Variants in HSPA4 observed in about 807,000 individuals in gnomAD.
HSPA4 encodes the protein heat shock 70 kDa protein 4.
HSPA4 carries 25 observed loss-of-function variants against 106.2 expected under a neutral mutation model. The observed-to-expected ratio is 0.24, with a 90% CI of 0.17 to 0.33. The LOEUF (loss-of-function observed/expected upper bound fraction) is 0.33, where lower values mean the gene tolerates loss of function less well. Ranked by LOEUF, HSPA4 falls within the 10% of genes least tolerant of loss-of-function variation. The probability of loss-of-function intolerance (pLI) is 1.00; values close to 1 mark genes in which losing one functional copy is unlikely to be tolerated. For synonymous variants in HSPA4, 332 were observed against 333.6 expected, an observed-to-expected ratio of 1.00 and a Z score of 0.05; for missense variants, 841 against 996.0, an observed-to-expected ratio of 0.84 and a Z score of 2.10.
At position 133,091,121 on chromosome 5, in the gene HSPA4, A is replaced by G. The variant is rs778829444; in HGVS notation, c.1379-72A>G. ...CATTGAAAGTAGACATAATCTAGCA[A>G]TGTAGGCATATATTCATGCTTGAAT... On this transcript the variant is annotated intron_variant, in intron 11 of 18. Transcript: ENST00000304858. 9.1e-6 allele frequency: 11 copies of G among 1,211,910 alleles called. No individual in the cohort carries two copies. The East Asian group carries it at 9.3e-5, about 10-fold the overall frequency. The allele number at this position is 1,211,910 out of a possible 1,614,324, so 75.1% of individuals were successfully genotyped here.
rs372336507 is a variant in HSPA4, at chr5:133,079,851, T to G, written c.908+2953T>G. Among the ~76,000 whole-genome samples, 5 of 152,224 alleles carry G rather than the reference T, an allele frequency of 3.3e-5. 1 individual carries two copies. The East Asian group carries it at 7.7e-4, about 23-fold the overall frequency. On this transcript the variant is annotated intron_variant, in intron 7 of 18. Transcript: ENST00000304858. ...CGTTTTGATGGTTGGAAGTGCATTCTCCTGCAGATTCCTAAGGGATAGCAC... is the reference window on the plus strand; with the variant it reads ...CGTTTTGATGGTTGGAAGTGCATTCGCCTGCAGATTCCTAAGGGATAGCAC...
At chr5:133,065,360 A>C (rs912052065) in intron 2 of HSPA4, among the ~76,000 whole-genome samples, 1 of 152,212 alleles carries the variant, frequency 6.6e-6, no homozygotes, top group Non-Finnish European at 1.5e-5. Context: ...TAAGTAATCT[A>C]GAGACAACTT....
intron 16 of HSPA4, 126 bp from the exon 17 acceptor site, chr5:133,101,633 G>T: frequency 1.2e-6 from 1 of 839,494 alleles, no homozygotes; most frequent in Non-Finnish European, 1.9e-6. Flanking sequence ...CAAAGGCCTG[G>T]AGAAATATAT....
chr5:133,075,788 C>T (rs2126703543), intron 6 of HSPA4, among the ~76,000 whole-genome samples: 1 of 151,962 alleles, frequency 6.6e-6, no homozygotes, highest in East Asian at 1.9e-4. Flanking sequence ...TGAGATTGTG[C>T]CACTGCACTC....
rs111944021 is a variant in HSPA4 at position 133,091,203 on chromosome 5, A to G, written c.1389A>G (p.Ser463=). The part of the protein sequence containing the change: ...PYPDPAIAQF[S]VQKVTPQSDG... ...CTCGTATGTCCCTAGCTCAGTTTTCAGTTCAGAAAGTCACTCCTCAGTCTG... is the reference window on the plus strand; with the variant it reads ...CTCGTATGTCCCTAGCTCAGTTTTCGGTTCAGAAAGTCACTCCTCAGTCTG... Residue 463 remains serine, a synonymous_variant, in exon 12 of 19, where the codon TCA becomes TCG. Transcript: ENST00000304858. The G allele has an allele frequency of 5.6e-6, 9 of 1,613,866 alleles. No individual in the cohort carries two copies. Among genetic ancestry groups the G allele is most frequent in the African/African-American group, 2.7e-5 (2 of 75,024 alleles).
chr5:133,097,447 TAGTAC>T (rs1765726631), intron 15 of HSPA4, among the ~76,000 whole-genome samples, 161 bp downstream of exon 15: 2 of 152,238 alleles, frequency 1.3e-5, no homozygotes, highest in African/African-American at 4.8e-5. Flanking sequence ...ATTTCTCTAT[TAGTAC>T]AGTGTTTAGT....
At chr5:133,073,052 C>T (rs73264419) in intron 4 of HSPA4, among the ~76,000 whole-genome samples, 178 bp from the exon 5 acceptor site, 3,460 of 152,168 alleles carry the variant, frequency 0.023, 132 homozygotes, top group African/African-American at 0.075. Context: ...GGTAATGGTA[C>T]GGCTATTTGT....
intron 13 of HSPA4, 75 bp downstream of exon 13, chr5:133,092,864 A>G (rs1210258887): frequency 2.0e-5 from 16 of 810,330 alleles, no homozygotes; most frequent in Non-Finnish European, 2.0e-5. Context: ...TCTGTTGCCC[A>G]GGCTGGAGTG....
intron 15 of HSPA4, among the ~76,000 whole-genome samples, chr5:133,098,266 A>T (rs1765739608): frequency 6.6e-6 from 1 of 152,250 alleles, no homozygotes; most frequent in South Asian, 2.1e-4. Context: ...ACTCAGTAGT[A>T]TTCCATGGTG....
At chr5:133,070,933 T>C (rs1765373414) in intron 4 of HSPA4, among the ~76,000 whole-genome samples, 1 of 152,036 alleles carries the variant, frequency 6.6e-6, no homozygotes, top group South Asian at 2.1e-4. Context: ...AAACTAGTCT[T>C]CATTTTCTTA....
intron 1 of HSPA4, among the ~76,000 whole-genome samples, chr5:133,054,045 C>T (rs1211039448): frequency 6.9e-6 from 1 of 144,862 alleles, no homozygotes; most frequent in African/African-American, 2.5e-5. Context: ...CTAGATTGTT[C>T]AGAAGTCTCA....
Position 133,052,164 on chromosome 5 carries a change from C to T in HSPA4, c.-87C>T, listed in dbSNP as rs1765087891. ...CCTCAGTAGCCTCGGCCCAAGAGGC[C>T]TGCTTTCCACTCGCTAGCCCCGCCG... On this transcript the variant is annotated 5_prime_UTR_variant, in exon 1 of 19. Coordinates refer to ENST00000304858, the MANE Select transcript of HSPA4 (RefSeq NM_002154.4). 13 of 914,078 alleles carry T rather than the reference C, an allele frequency of 1.4e-5. No homozygotes were observed. The highest frequency in any genetic ancestry group is 2.6e-5 in the East Asian group (1 of 37,924). The allele number at this position is 914,078 out of a possible 1,614,324, so 56.6% of individuals were successfully genotyped here. A position where few individuals can be genotyped will look rare whatever the true frequency, so the allele number is the denominator to read the frequency against.
At chr5:133,064,912 G>T (rs1295852526) in intron 1 of HSPA4, 68 bp from the exon 2 acceptor site, 1 of 1,320,380 alleles carries the variant, frequency 7.6e-7, no homozygotes, top group South Asian at 1.2e-5. Flanking sequence ...CTCAGATCTT[G>T]CCTGCTATGC....
At chr5:133,069,312 C>T (rs566565747) in intron 3 of HSPA4, among the ~76,000 whole-genome samples, 13 of 151,330 alleles carry the variant, frequency 8.6e-5, no homozygotes, top group East Asian at 5.8e-4. Flanking sequence ...TGCAGTGGCA[C>T]GATGTAGGTT....
intron 8 of HSPA4, among the ~76,000 whole-genome samples, chr5:133,087,758 G>T (rs1765596954): frequency 6.6e-6 from 1 of 152,142 alleles, no homozygotes; most frequent in East Asian, 1.9e-4. Context: ...TGAGTAGCTG[G>T]GATTACAGGC....
chr5:133,101,248 G>A (rs984012687), intron 16 of HSPA4, among the ~76,000 whole-genome samples: 13 of 152,060 alleles, frequency 8.5e-5, no homozygotes, highest in East Asian at 1.9e-4. Flanking sequence ...TTCTTCTTCC[G>A]TTATTTCCCC....
At chr5:133,086,747 G>T in intron 7 of HSPA4, 35 bp from the exon 8 acceptor site, 1 of 1,443,782 alleles carries the variant, frequency 6.9e-7, no homozygotes, top group Non-Finnish European at 9.7e-7. Flanking sequence ...GTGATTTAAT[G>T]TACTGTGTTT....
rs78035060 is a variant in HSPA4, at chr5:133,096,268, A to G, written c.1803+18A>G. 1.0e-2 allele frequency: 16,031 copies of G among 1,604,864 alleles called. 133 individuals carry two copies. The highest frequency in any genetic ancestry group is 0.019 in the Middle Eastern group (112 of 6,050). ...AAAATGAGGTTGTTATTTAAAGTCT[A>G]TTGGAACAATGAGCTAACAAATTAA... is the stretch of plus-strand genomic sequence containing the variant. On this transcript the variant is annotated intron_variant, in intron 14 of 18. Transcript: ENST00000304858.
intron 7 of HSPA4, among the ~76,000 whole-genome samples, chr5:133,085,598 TGC>T (rs2126708981): frequency 6.6e-6 from 1 of 151,888 alleles, no homozygotes; most frequent in African/African-American, 2.4e-5. Flanking sequence ...AGGTGGAGGT[TGC>T]AGTGAGCTGG....
Sources: gnomAD v4.1 joint callset for allele counts (sites outside exome capture counted in the v4.1 genomes callset) on GRCh38, gnomAD v4.1.1 for gene constraint, MANE v1.5 for transcripts, NCBI Gene and HGNC (gene_info 2026-07-23, HGNC 2026-07-21) for gene names.